Variants in VBP1 observed in about 807,000 individuals in gnomAD.
VBP1 encodes the protein VHL binding protein 1.
VBP1 carries 4 observed loss-of-function variants against 15.5 expected under a neutral mutation model. The ratio of observed to expected loss-of-function variants is 0.26; its 90% CI spans 0.13 to 0.59. The LOEUF (loss-of-function observed/expected upper bound fraction) is 0.59. VBP1 is among the 20% of genes least tolerant of loss of function. The pLI, the probability that VBP1 is intolerant of heterozygous loss-of-function variation, is 0.90. For synonymous variants in VBP1, 61 were observed against 52.1 expected, an observed-to-expected ratio of 1.17 and a Z score of -0.74; for missense variants, 108 against 139.6, an observed-to-expected ratio of 0.77 and a Z score of 1.14.
intron 2 of VBP1, among the ~76,000 whole-genome samples, chrX:155,222,708 C>G (rs2074695382): frequency 8.9e-6 from 1 of 111,921 alleles, no homozygotes; most frequent in Non-Finnish European, 1.9e-5. Context: ...GGTAAAAATT[C>G]AAAGCACTTA....
At chrX:155,209,815 A>G (rs2074638493) in intron 2 of VBP1, among the ~76,000 whole-genome samples, 1 of 112,082 alleles carries the variant, frequency 8.9e-6, no homozygotes, top group Non-Finnish European at 1.9e-5. Flanking sequence ...TTGTATTAAA[A>G]TATTTGTAAT....
intron 1 of VBP1, among the ~76,000 whole-genome samples, chrX:155,205,490 T>C (rs1325087632): frequency 1.8e-5 from 2 of 111,583 alleles, no homozygotes; most frequent in Admixed American, 1.9e-4. Context: ...ATACAATTCA[T>C]GAGCAAATGC....
At chrX:155,199,082 A>G (rs1421798701) in intron 1 of VBP1, among the ~76,000 whole-genome samples, 1 of 111,399 alleles carries the variant, frequency 9.0e-6, no homozygotes. Flanking sequence ...GAAATGAACA[A>G]GGCCTCCAAG....
chrX:155,218,120 C>T (rs1384536932), intron 1 of VBP1, among the ~76,000 whole-genome samples: 2 of 111,973 alleles, frequency 1.8e-5, no homozygotes, highest in Non-Finnish European at 3.8e-5. Flanking sequence ...TCTTGAAATG[C>T]TTTTTCCCTA....
intron 1 of VBP1, among the ~76,000 whole-genome samples, chrX:155,218,456 A>G (rs1464739236): frequency 8.9e-6 from 1 of 111,991 alleles, no homozygotes. Context: ...TCGAATAGGT[A>G]TTAATATTCA....
chrX:155,225,583 A>C (rs1246788299), intron 2 of VBP1, among the ~76,000 whole-genome samples: 2 of 111,696 alleles, frequency 1.8e-5, no homozygotes, highest in Non-Finnish European at 3.8e-5. Flanking sequence ...TCTGGTTCCT[A>C]AGTTAGCTAG....
At chrX:155,197,690 C>T (rs782116729) in intron 1 of VBP1, among the ~76,000 whole-genome samples, 40 of 111,896 alleles carry the variant, frequency 3.6e-4, no homozygotes, top group South Asian at 1.1e-3. Context: ...ACGCAGAAGA[C>T]GGGTGATTTC....
chrX:155,232,554 C>T (rs1557311036), intron 4 of VBP1, among the ~76,000 whole-genome samples: 2 of 111,990 alleles, frequency 1.8e-5, no homozygotes, highest in African/African-American at 6.5e-5. Flanking sequence ...AAGAGGGCCT[C>T]CCAATGGCCA....
At chrX:155,218,077 G>A (rs782472049) in intron 1 of VBP1, among the ~76,000 whole-genome samples, 2 of 111,690 alleles carry the variant, frequency 1.8e-5, no homozygotes, top group African/African-American at 6.5e-5. Context: ...ATCTAACTCG[G>A]GAGGAGACAC....
chrX:155,226,127 A>T (rs782606219), intron 2 of VBP1, among the ~76,000 whole-genome samples: 1 of 112,118 alleles, frequency 8.9e-6, no homozygotes, highest in African/African-American at 3.2e-5. Context: ...TTATATCCTT[A>T]GTCTGTTTTG....
Position 155,239,210 on chromosome X carries a change from C to T in VBP1, c.*368C>T, listed in dbSNP as rs183147390. On this transcript the variant is annotated 3_prime_UTR_variant, in exon 6 of 6. Coordinates refer to ENST00000286428, the MANE Select transcript of VBP1 (RefSeq NM_003372.7). ...TTACTCTCACTTGATGTGGTTAAACCATTTTAGAGGTAGAGAAGACAGACA... is the reference window on the plus strand; with the variant it reads ...TTACTCTCACTTGATGTGGTTAAACTATTTTAGAGGTAGAGAAGACAGACA... 1 of 124,189 alleles carries T rather than the reference C, an allele frequency of 8.1e-6. No individual in the cohort carries two copies. The highest frequency in any genetic ancestry group is 2.4e-4 in the East Asian group (1 of 4,167). The allele number at this position is 124,189 out of a possible 1,213,427, so 10.2% of individuals were successfully genotyped here. A position where few individuals can be genotyped will look rare whatever the true frequency, so the allele number is the denominator to read the frequency against.
At chrX:155,234,423 CT>C (rs2074762180) in intron 4 of VBP1, among the ~76,000 whole-genome samples, 1 of 110,901 alleles carries the variant, frequency 9.0e-6, no homozygotes, top group Admixed American at 9.6e-5. Context: ...CCTGGCCCCC[CT>C]GTTTCTTCTA....
exon 2 of VBP1, chrX:155,208,925 C>G: frequency 4.3e-6 from 5 of 1,155,047 alleles, no homozygotes; most frequent in Non-Finnish European, 5.7e-6. Context: ...ACCCATGATT[C>G]ATACCCAGCA....
chrX:155,232,465 T>G (rs1174312882), intron 4 of VBP1, among the ~76,000 whole-genome samples: 6 of 112,176 alleles, frequency 5.3e-5, no homozygotes, highest in African/African-American at 1.9e-4. Context: ...TATACTTAAA[T>G]TTTTTAGAAA....
chrX:155,214,184 C>T (rs1299265312), upstream of VBP1, among the ~76,000 whole-genome samples: 6 of 112,454 alleles, frequency 5.3e-5, 1 homozygote, highest in Non-Finnish European at 1.1e-4. Flanking sequence ...GATGAATGAT[C>T]CAAGTACCAA....
intron 3 of VBP1, among the ~76,000 whole-genome samples, 155 bp from the exon 4 acceptor site, chrX:155,228,229 C>T (rs782158392): frequency 8.9e-6 from 1 of 111,771 alleles, no homozygotes; most frequent in Non-Finnish European, 1.9e-5. Flanking sequence ...TACCCAGCCA[C>T]CTGGGTCTAG....
At chrX:155,198,647 C>A in intron 1 of VBP1, among the ~76,000 whole-genome samples, 2 of 110,712 alleles carry the variant, frequency 1.8e-5, no homozygotes, top group Middle Eastern at 4.7e-3. Flanking sequence ...GATAAAACCA[C>A]AAAGATGGGG....
chrX:155,198,046 G>A (rs368294261), intron 1 of VBP1, among the ~76,000 whole-genome samples: 3 of 112,394 alleles, frequency 2.7e-5, no homozygotes, highest in Non-Finnish European at 5.7e-5. Context: ...AGGTGGCAGC[G>A]AGGCTGGGGG....
At chrX:155,226,647 GC>G (rs1347376184) in intron 2 of VBP1, among the ~76,000 whole-genome samples, 3 of 111,981 alleles carry the variant, frequency 2.7e-5, no homozygotes, top group African/African-American at 9.8e-5. Flanking sequence ...GTGTCACTGT[GC>G]TTTGCCTGGC....
Sources: allele counts gnomAD v4.1 joint callset (sites outside exome capture counted in the v4.1 genomes callset), GRCh38; gene constraint gnomAD v4.1.1; transcripts MANE v1.5; gene names NCBI Gene and HGNC (gene_info 2026-07-23, HGNC 2026-07-21).